The following TUSC3 variants were observed in gnomAD, a reference collection of about 807,000 sequenced individuals.
TUSC3 encodes the protein tumor suppressor candidate 3, also known as dolichyl-diphosphooligosaccharide--protein glycosyltransferase subunit TUSC3.
A neutral mutation model predicts 44.8 loss-of-function variants in TUSC3; 45 were observed. That is an observed-to-expected ratio of 1.00 (90% CI 0.79 to 1.29). The LOEUF (loss-of-function observed/expected upper bound fraction) is 1.29. Among genes scored for constraint, TUSC3 ranks in the 50% most tolerant of loss-of-function variants. The pLI, the probability that TUSC3 is intolerant of heterozygous loss-of-function variation, is 0.00. For missense variants in TUSC3, 519 were observed against 437.9 expected (o/e 1.19, Z -1.65); for synonymous variants, 212 against 152.9 (o/e 1.39, Z -2.85).
At chr8:15,563,164 G>T (rs1018352881) in intron 1 of TUSC3, among the ~76,000 whole-genome samples, 4 of 152,058 alleles carry the variant, frequency 2.6e-5, no homozygotes, top group Admixed American at 2.0e-4. Flanking sequence ...TTTAATATAA[G>T]ACATTTACCA....
At chr8:15,535,231 G>A (rs1053210404), upstream of TUSC3, among the ~76,000 whole-genome samples, 1 of 152,160 alleles carries the variant, frequency 6.6e-6, no homozygotes, top group Non-Finnish European at 1.5e-5. Context: ...GTTCTTGGAA[G>A]GTCTTTGTGC....
chr8:15,697,605 C>CTGT (rs1809226112), intron 6 of TUSC3, among the ~76,000 whole-genome samples: 1 of 152,182 alleles, frequency 6.6e-6, no homozygotes, highest in African/African-American at 2.4e-5. Flanking sequence ...CTCTATAAGG[C>CTGT]TGCACATACC....
chr8:15,509,129 C>G (rs1801098684), intron 2 of TUSC3, among the ~76,000 whole-genome samples: 1 of 152,144 alleles, frequency 6.6e-6, no homozygotes, highest in African/African-American at 2.4e-5. Context: ...AGTAAGGACC[C>G]AAGTAAGGAT....
intron 1 of TUSC3, among the ~76,000 whole-genome samples, chr8:15,435,336 G>A (rs1935142909): frequency 6.6e-6 from 1 of 152,150 alleles, no homozygotes; most frequent in Non-Finnish European, 1.5e-5. Context: ...AATGCAACAA[G>A]TGGGCGAAGG....
chr8:15,448,362 A>C (rs909741508), intron 1 of TUSC3, among the ~76,000 whole-genome samples: 1 of 151,734 alleles, frequency 6.6e-6, no homozygotes, highest in Non-Finnish European at 1.5e-5. Context: ...CAGGCAATCC[A>C]CCCGCCTTGG....
chr8:15,619,187 T>C (rs1585159571), intron 1 of TUSC3, among the ~76,000 whole-genome samples: 1 of 152,208 alleles, frequency 6.6e-6, no homozygotes, highest in African/African-American at 2.4e-5. Flanking sequence ...ATACTAAGAA[T>C]AGGCGAGATT....
intron 9 of TUSC3, among the ~76,000 whole-genome samples, chr8:15,751,954 A>G (rs1214325071): frequency 4.6e-5 from 7 of 152,164 alleles, no homozygotes; most frequent in South Asian, 2.1e-4. Context: ...GGATTTCACA[A>G]TTGCCTCTCA....
At chr8:15,578,526 G>C (rs1254207031) in intron 1 of TUSC3, among the ~76,000 whole-genome samples, 20 of 129,576 alleles carry the variant, frequency 1.5e-4, no homozygotes, top group Admixed American at 7.1e-4. Context: ...TAGCATGAAG[G>C]GTTGTTGAAT....
At chr8:15,529,480 A>T (rs926362346) in intron 2 of TUSC3, among the ~76,000 whole-genome samples, 25 of 152,150 alleles carry the variant, frequency 1.6e-4, no homozygotes, top group Non-Finnish European at 3.1e-4. Flanking sequence ...CTGAAGATAC[A>T]GTTTAAAAAT....
intron 1 of TUSC3, among the ~76,000 whole-genome samples, chr8:15,459,874 G>GTATA (rs1800320796): frequency 7.0e-5 from 10 of 143,426 alleles, no homozygotes; most frequent in African/African-American, 2.2e-4. Flanking sequence ...GTGTGTGTGT[G>GTATA]TATACATACA....
intron 3 of TUSC3, among the ~76,000 whole-genome samples, chr8:15,653,378 T>A (rs573139137): frequency 3.9e-4 from 59 of 152,240 alleles, no homozygotes; most frequent in Admixed American, 7.2e-4. Flanking sequence ...ATATTTTTTT[T>A]TAAAATCTTC....
intron 6 of TUSC3, among the ~76,000 whole-genome samples, chr8:15,697,714 G>C (rs1407501417): frequency 6.6e-6 from 1 of 152,144 alleles, no homozygotes; most frequent in African/African-American, 2.4e-5. Context: ...TCATAATGCT[G>C]CCTGTGTTTT....
intron 1 of TUSC3, among the ~76,000 whole-genome samples, chr8:15,583,610 TATC>T (rs1803471354): frequency 1.3e-5 from 2 of 152,304 alleles, no homozygotes; most frequent in East Asian, 3.9e-4. Context: ...AATTTTGAAA[TATC>T]ATTGTTTTGA....
At position 15,683,546 on chromosome 8, in the gene TUSC3, C is replaced by T. The variant is rs547722884; in HGVS notation, c.798+9710C>T. Among the ~76,000 whole-genome samples the T allele has an allele frequency of 7.4e-4, 112 of 152,098 alleles. No homozygotes were observed. The Middle Eastern group carries it at 0.014, about 18-fold the overall frequency. On this transcript the variant is annotated intron_variant, in intron 6 of 10. Transcript: ENST00000503731. ...TTGTTGTATTTCAAATTTTGGATTG[C>T]TTTTCTGACTTCCTTGGATTGGAGT...
At chr8:15,763,325 T>A (rs1034252319) in intron 10 of TUSC3, among the ~76,000 whole-genome samples, 9 of 151,752 alleles carry the variant, frequency 5.9e-5, no homozygotes, top group African/African-American at 2.2e-4. Context: ...TAGGATGATA[T>A]GATTTAAACA....
At chr8:15,689,558 C>A in intron 6 of TUSC3, 1 of 164,092 alleles carries the variant, frequency 6.1e-6, no homozygotes, top group Non-Finnish European at 1.3e-5. Flanking sequence ...GTTGCTCAGC[C>A]ATGTCGTGCA....
intron 6 of TUSC3, among the ~76,000 whole-genome samples, chr8:15,727,127 T>A (rs1810527671): frequency 1.3e-5 from 2 of 152,190 alleles, no homozygotes; most frequent in South Asian, 4.1e-4. Context: ...ATTCCCTCTT[T>A]CAAAGGATTT....
At chr8:15,642,952 T>C (rs1483949805) in intron 2 of TUSC3, among the ~76,000 whole-genome samples, 2 of 152,202 alleles carry the variant, frequency 1.3e-5, no homozygotes, top group Non-Finnish European at 2.9e-5. Context: ...ATTATAATCA[T>C]ATGTAGTAGG....
chr8:15,587,861 C>A (rs28712856), intron 1 of TUSC3, among the ~76,000 whole-genome samples: 2 of 152,012 alleles, frequency 1.3e-5, no homozygotes, highest in Non-Finnish European at 2.9e-5. Flanking sequence ...AGATAATATT[C>A]TCTGGGCTCA....
Sources: gnomAD v4.1 joint callset for allele counts (sites outside exome capture counted in the v4.1 genomes callset) on GRCh38, gnomAD v4.1.1 for gene constraint, MANE v1.5 for transcripts, NCBI Gene and HGNC (gene_info 2026-07-23, HGNC 2026-07-21) for gene names.